The following SHISA6 variants were observed in gnomAD, a reference collection of about 807,000 sequenced individuals.
SHISA6 encodes shisa family member 6.
A neutral mutation model predicts 47.9 loss-of-function variants in SHISA6; 22 were observed. That is an observed-to-expected ratio of 0.46 (90% CI 0.33 to 0.66). The LOEUF is 0.66. Among genes scored for constraint, SHISA6 ranks in the 30% least tolerant of loss-of-function variants. SHISA6 has a pLI of 0.02. For synonymous variants in SHISA6, 388 were observed against 337.8 expected (o/e 1.15, Z -1.63); for missense variants, 680 against 764.6 (o/e 0.89, Z 1.30).
intron 2 of SHISA6, among the ~76,000 whole-genome samples, chr17:11,364,402 A>G (rs1912379762): frequency 2.0e-5 from 3 of 152,182 alleles, no homozygotes; most frequent in Admixed American, 2.0e-4. Context: ...TCTTCATACA[A>G]ATGAAGCCAT....
chr17:11,558,620 T>G lies in SHISA6; in HGVS notation c.*316T>G. The G allele has an allele frequency of 2.6e-6, 1 of 379,926 alleles. No homozygotes were observed. Among genetic ancestry groups the G allele is most frequent in the Non-Finnish European group, 4.9e-6 (1 of 206,002 alleles). 23.5% of individuals were successfully genotyped at this position (379,926 alleles called of 1,614,324 possible). A position where few individuals can be genotyped will look rare whatever the true frequency, so the allele number is the denominator to read the frequency against. ...AACTCCCTTTCCGTCCCGCGCCTCCTTCTCCCCATCCGGGGGACTCAGCTG... is the reference window on the plus strand; with the variant it reads ...AACTCCCTTTCCGTCCCGCGCCTCCGTCTCCCCATCCGGGGGACTCAGCTG... On this transcript the variant is annotated 3_prime_UTR_variant, in exon 6 of 6. Transcript: ENST00000441885.
chr17:11,395,839 T>C (rs1264819398), intron 3 of SHISA6, among the ~76,000 whole-genome samples: 1 of 152,186 alleles, frequency 6.6e-6, no homozygotes, highest in African/African-American at 2.4e-5. Context: ...TTTACAGTTA[T>C]GCTTCTCTAT....
intron 2 of SHISA6, among the ~76,000 whole-genome samples, chr17:11,347,414 G>A (rs1459782325): frequency 6.6e-6 from 1 of 152,184 alleles, no homozygotes; most frequent in Admixed American, 6.5e-5. Flanking sequence ...TTACAGGATA[G>A]TAAGTCACCT....
At chr17:11,386,369 C>A in intron 3 of SHISA6, among the ~76,000 whole-genome samples, 1 of 151,922 alleles carries the variant, frequency 6.6e-6, no homozygotes, top group Non-Finnish European at 1.5e-5. Flanking sequence ...GAGCGAAACT[C>A]CATCTCAAAA....
intron 3 of SHISA6, among the ~76,000 whole-genome samples, chr17:11,481,003 G>A (rs1349249847): frequency 6.6e-6 from 1 of 152,188 alleles, no homozygotes; most frequent in Non-Finnish European, 1.5e-5. Context: ...TAGAGGCCAG[G>A]TGTGGTGGCT....
intron 1 of SHISA6, among the ~76,000 whole-genome samples, chr17:11,260,549 G>T (rs546248468): frequency 1.3e-5 from 2 of 151,762 alleles, no homozygotes; most frequent in South Asian, 2.1e-4. Context: ...CTTCTGAATC[G>T]CATTTTATCT....
At chr17:11,263,345 T>C (rs1244387510) in intron 1 of SHISA6, 21 bp from the exon 2 acceptor site, 2 of 1,551,554 alleles carry the variant, frequency 1.3e-6, no homozygotes, top group Non-Finnish European at 1.7e-6. Context: ...AATCTCATTA[T>C]GTGATCTCCT....
intron 2 of SHISA6, among the ~76,000 whole-genome samples, chr17:11,295,831 C>T (rs1297318958): frequency 1.3e-5 from 2 of 151,818 alleles, no homozygotes; most frequent in South Asian, 2.1e-4. Flanking sequence ...GGCGTGGTGG[C>T]GGGCGCCTGT....
intron 2 of SHISA6, among the ~76,000 whole-genome samples, chr17:11,291,138 G>T (rs931723846): frequency 2.0e-4 from 31 of 152,110 alleles, no homozygotes; most frequent in Admixed American, 2.0e-3. Flanking sequence ...GTAGTGAGCA[G>T]ATATCTGCCC....
At chr17:11,245,752 G>GC (rs1567697982) in intron 1 of SHISA6, among the ~76,000 whole-genome samples, 1 of 150,728 alleles carries the variant, frequency 6.6e-6, no homozygotes, top group African/African-American at 2.5e-5. Context: ...GGCAGGGTGG[G>GC]GGGGGTGGAT....
chr17:11,468,273 A>G (rs1226885525), intron 3 of SHISA6, among the ~76,000 whole-genome samples: 1 of 151,906 alleles, frequency 6.6e-6, no homozygotes, highest in East Asian at 1.9e-4. Flanking sequence ...CTCCCGTCCT[A>G]AAGTTAGAGT....
intron 3 of SHISA6, among the ~76,000 whole-genome samples, chr17:11,475,902 C>A (rs1916040632): frequency 1.3e-5 from 2 of 151,836 alleles, no homozygotes; most frequent in African/African-American, 2.4e-5. Flanking sequence ...CATGAGTAAA[C>A]CTATTTGGGT....
At chr17:11,496,278 T>G (rs1203409033) in intron 3 of SHISA6, among the ~76,000 whole-genome samples, 2 of 152,220 alleles carry the variant, frequency 1.3e-5, no homozygotes, top group Non-Finnish European at 2.9e-5. Flanking sequence ...AAAACTTCTT[T>G]AACACCCTTC....
intron 2 of SHISA6, among the ~76,000 whole-genome samples, chr17:11,293,426 C>G (rs1258104788): frequency 6.6e-6 from 1 of 152,114 alleles, no homozygotes; most frequent in Non-Finnish European, 1.5e-5. Flanking sequence ...TCGGCAGTGC[C>G]CTTTACTAAG....
intron 3 of SHISA6, among the ~76,000 whole-genome samples, chr17:11,431,795 C>A (rs1567604417): frequency 6.6e-6 from 1 of 152,164 alleles, no homozygotes; most frequent in Non-Finnish European, 1.5e-5. Flanking sequence ...GTTAAAAACA[C>A]AACAAAAACA....
Position 11,301,092 on chromosome 17 carries a change from G to A in SHISA6, c.799+37566G>A, listed in dbSNP as rs573003935. Among the ~76,000 whole-genome samples the A allele has an allele frequency of 9.2e-5, 14 of 152,184 alleles. No homozygotes were observed. In the East Asian group the frequency reaches 2.1e-3, roughly 23 times the overall value. ...GAGTCCCGTGCTCAGCTTCACTGTG[G>A]GCCTTCCACGTCTAGCTGTCAGAGC... is the stretch of plus-strand genomic sequence containing the variant. On this transcript the variant is annotated intron_variant, in intron 2 of 5. Transcript: ENST00000441885.
chr17:11,479,846 GTTT>G (rs976289458), intron 3 of SHISA6, among the ~76,000 whole-genome samples: 20 of 151,670 alleles, frequency 1.3e-4, no homozygotes, highest in African/African-American at 4.8e-4. Flanking sequence ...AGAAATAAGA[GTTT>G]TTATTTTATC....
chr17:11,291,012 T>C (rs4792120), intron 2 of SHISA6, among the ~76,000 whole-genome samples: 127,324 of 150,708 alleles, frequency 0.84, 54,712 homozygotes, highest in East Asian at 1. Context: ...TTTAATAATT[T>C]ATTAATAATT....
intron 2 of SHISA6, among the ~76,000 whole-genome samples, chr17:11,351,862 A>G (rs925224687): frequency 3.9e-5 from 6 of 152,252 alleles, no homozygotes; most frequent in South Asian, 2.1e-4. Context: ...AATATATACT[A>G]TAAGGAACCA....
Sources: gnomAD v4.1 joint callset for allele counts (sites outside exome capture counted in the v4.1 genomes callset) on GRCh38, gnomAD v4.1.1 for gene constraint, MANE v1.5 for transcripts, NCBI Gene and HGNC (gene_info 2026-07-23, HGNC 2026-07-21) for gene names.